Variants in VOPP1 observed in about 807,000 individuals in gnomAD.
The protein encoded by VOPP1 is VOPP1 WW domain binding protein, also known as WW domain binding protein VOPP1.
Under a neutral mutation model 23.5 loss-of-function variants are expected in VOPP1, and 8 were observed. The observed-to-expected ratio is 0.34, with a 90% CI of 0.20 to 0.61. The LOEUF is 0.61. Ranked by LOEUF, VOPP1 falls within the 20% of genes least tolerant of loss-of-function variation. VOPP1 has a pLI of 0.78. For synonymous variants in VOPP1, 83 were observed against 97.3 expected, an observed-to-expected ratio of 0.85 and a Z score of 0.86; for missense variants, 174 against 238.1, an observed-to-expected ratio of 0.73 and a Z score of 1.77.
intron 1 of VOPP1, among the ~76,000 whole-genome samples, chr7:55,527,648 G>A (rs1482769843): frequency 2.0e-5 from 3 of 152,194 alleles, no homozygotes; most frequent in African/African-American, 7.2e-5. Context: ...TCCCCAGCAG[G>A]TGACAATTAA....
chr7:55,504,973 TAC>T (rs1355307821), intron 2 of VOPP1, among the ~76,000 whole-genome samples: 1 of 152,258 alleles, frequency 6.6e-6, no homozygotes, highest in Non-Finnish European at 1.5e-5. Context: ...ACGGATGCAG[TAC>T]AGTCTGGGAC....
At chr7:55,435,860 G>C (rs757325425), downstream of VOPP1, among the ~76,000 whole-genome samples, 12 of 152,220 alleles carry the variant, frequency 7.9e-5, no homozygotes, top group African/African-American at 2.9e-4. Context: ...GCTGAGTGCT[G>C]TGAGTGGAAT....
At chr7:55,553,651 C>A (rs1584110817) in intron 1 of VOPP1, among the ~76,000 whole-genome samples, 2 of 151,694 alleles carry the variant, frequency 1.3e-5, no homozygotes, top group South Asian at 2.1e-4. Context: ...CCCACCCCTA[C>A]CACACAAACA....
chr7:55,539,404 A>G (rs966181755), intron 1 of VOPP1: 1 of 152,194 alleles, frequency 6.6e-6, no homozygotes, highest in Non-Finnish European at 1.5e-5. Context: ...AAAACCACCA[A>G]ATCAATTATC....
chr7:55,565,158 G>C (rs951541658), intron 1 of VOPP1, among the ~76,000 whole-genome samples: 1 of 152,170 alleles, frequency 6.6e-6, no homozygotes, highest in Non-Finnish European at 1.5e-5. Flanking sequence ...GACAAGGGAA[G>C]GTCACTGTTT....
At chr7:55,503,377 G>A (rs745851092) in intron 2 of VOPP1, among the ~76,000 whole-genome samples, 2 of 152,192 alleles carry the variant, frequency 1.3e-5, no homozygotes, top group Non-Finnish European at 2.9e-5. Flanking sequence ...TCCTGCACAG[G>A]AGGAAAGAGG....
intron 2 of VOPP1, among the ~76,000 whole-genome samples, chr7:55,513,389 T>C (rs916822777): frequency 1.3e-5 from 2 of 152,290 alleles, no homozygotes; most frequent in East Asian, 3.9e-4. Flanking sequence ...CATGCAGCCA[T>C]CCATTTTTTC....
chr7:55,521,370 T>C (rs577305291), intron 1 of VOPP1, among the ~76,000 whole-genome samples: 1 of 152,332 alleles, frequency 6.6e-6, no homozygotes, highest in Non-Finnish European at 1.5e-5. Flanking sequence ...ACACTGAGTG[T>C]CAGCATTTTA....
intron 2 of VOPP1, among the ~76,000 whole-genome samples, chr7:55,518,763 A>G (rs1795639257): frequency 6.6e-6 from 1 of 152,308 alleles, no homozygotes; most frequent in South Asian, 2.1e-4. Flanking sequence ...ACAATAAAGA[A>G]GGAAGATAAA....
intron 1 of VOPP1, chr7:55,538,542 G>T (rs944687521): frequency 7.1e-7 from 1 of 1,411,042 alleles, no homozygotes. Flanking sequence ...GGATTCCACA[G>T]TCCAACTGAG....
chr7:55,465,718 G>A (rs1393084407), downstream of VOPP1, among the ~76,000 whole-genome samples: 1 of 152,202 alleles, frequency 6.6e-6, no homozygotes, highest in Non-Finnish European at 1.5e-5. Context: ...AACTGAGACT[G>A]GAGATTAAAT....
chr7:55,561,874 G>C, intron 1 of VOPP1: 1 of 691,874 alleles, frequency 1.4e-6, no homozygotes. Flanking sequence ...AATGAGAGTA[G>C]CCTTCCATGA....
At chr7:55,561,784 C>A in intron 1 of VOPP1, 2 of 475,314 alleles carry the variant, frequency 4.2e-6, no homozygotes, top group East Asian at 3.6e-5. Context: ...ATTACAGTAT[C>A]TGAGCTCAGA....
intron 1 of VOPP1, among the ~76,000 whole-genome samples, chr7:55,570,593 G>C (rs1324839244): frequency 6.6e-6 from 1 of 152,068 alleles, no homozygotes; most frequent in South Asian, 2.1e-4. Flanking sequence ...GGGAGACATG[G>C]GTGGCACAAA....
intron 1 of VOPP1, among the ~76,000 whole-genome samples, chr7:55,559,358 G>C (rs909550118): frequency 1.3e-5 from 2 of 152,204 alleles, no homozygotes; most frequent in Admixed American, 1.3e-4. Context: ...TATGGAGGAA[G>C]GTGAGCACTG....
At chr7:55,509,393 T>C (rs146454657) in intron 2 of VOPP1, among the ~76,000 whole-genome samples, 2 of 152,314 alleles carry the variant, frequency 1.3e-5, no homozygotes, top group African/African-American at 4.8e-5. Flanking sequence ...GCTTCATAAA[T>C]GATGTCTTGC....
intron 4 of VOPP1, among the ~76,000 whole-genome samples, chr7:55,486,081 G>C (rs866265067): frequency 6.6e-6 from 1 of 152,186 alleles, no homozygotes; most frequent in Middle Eastern, 3.2e-3. Context: ...GGACCACGAC[G>C]GGCCAGAGGC....
chr7:55,480,156 T>A (rs1015499539), intron 4 of VOPP1, among the ~76,000 whole-genome samples: 1 of 152,238 alleles, frequency 6.6e-6, no homozygotes, highest in Non-Finnish European at 1.5e-5. Context: ...TTCCTATGAT[T>A]TGCAGTAATT....
At chr7:55,552,506 G>A in intron 1 of VOPP1, 1 of 1,318,080 alleles carries the variant, frequency 7.6e-7, no homozygotes, top group Non-Finnish European at 1.0e-6. Flanking sequence ...CACACAGGAT[G>A]GATCTCCATG....
Sources: allele counts gnomAD v4.1 joint callset (sites outside exome capture counted in the v4.1 genomes callset), GRCh38; gene constraint gnomAD v4.1.1; transcripts MANE v1.5; gene names NCBI Gene and HGNC (gene_info 2026-07-23, HGNC 2026-07-21).